NEDD8: variants seen among roughly 807,000 people sequenced by gnomAD.
NEDD8 encodes NEDD8 ubiquitin like modifier.
Under a neutral mutation model 13.8 loss-of-function variants are expected in NEDD8, and 1 was observed. That is an observed-to-expected ratio of 0.07 (90% confidence interval 0.03 to 0.34). NEDD8 has a LOEUF of 0.34. Among genes scored for constraint, NEDD8 ranks in the 10% least tolerant of loss-of-function variants. The probability of loss-of-function intolerance (pLI) is 0.99; values close to 1 mark genes in which losing one functional copy is unlikely to be tolerated. For synonymous variants in NEDD8, 31 were observed against 33.2 expected (o/e 0.93, Z 0.23); for missense variants, 10 against 95.2 (o/e 0.10, Z 3.73).
At chr14:24,220,904 CAT>C (rs1432364830) in intron 1 of NEDD8, among the ~76,000 whole-genome samples, 1 of 152,182 alleles carries the variant, frequency 6.6e-6, no homozygotes, top group East Asian at 1.9e-4. Context: ...CACAAAATAA[CAT>C]ATGGTTTCTC....
At chr14:24,223,875 C>T (rs1320195566) in intron 1 of NEDD8, among the ~76,000 whole-genome samples, 1 of 151,998 alleles carries the variant, frequency 6.6e-6, no homozygotes, top group Non-Finnish European at 1.5e-5. Context: ...GCTGGGGTTA[C>T]AGCCGCGTGT....
chr14:24,232,035 G>C (rs554605530), intron 1 of NEDD8: 1 of 658,188 alleles, frequency 1.5e-6, no homozygotes, highest in Non-Finnish European at 2.5e-6. Context: ...AAGCAGGCAT[G>C]GCAAAATACC....
Position 24,219,719 on chromosome 14 carries a change from T to A in NEDD8, c.19-1288A>T, listed in dbSNP as rs1015658413. Among the ~76,000 whole-genome samples the A allele has an allele frequency of 5.3e-4, 80 of 152,152 alleles. 1 individual carries two copies. The highest frequency in any genetic ancestry group is 2.8e-4 in the Non-Finnish European group (19 of 68,038). On this transcript the variant is annotated intron_variant, in intron 1 of 3. Transcript: ENST00000250495. ...CTCTTAATAGCTCTATCTGTATTAG[T>A]CTACAGTGATCCAGGCCACAAACAC... is the stretch of plus-strand genomic sequence containing the variant.
At chr14:24,222,402 G>T (rs1337141793) in intron 1 of NEDD8, among the ~76,000 whole-genome samples, 2 of 152,176 alleles carry the variant, frequency 1.3e-5, no homozygotes, top group Non-Finnish European at 2.9e-5. Context: ...AAAAAGCTTG[G>T]AAGGGTATAT....
intron 3 of NEDD8, 81 bp from the exon 4 acceptor site, chr14:24,217,304 GTTT>G: frequency 3.0e-6 from 3 of 1,002,882 alleles, no homozygotes; most frequent in East Asian, 2.9e-5. Flanking sequence ...TGTTGTTGTT[GTTT>G]TTGACAGAGT....
intron 1 of NEDD8, 197 bp from the exon 2 acceptor site, chr14:24,218,628 T>C (rs1306317603): frequency 2.9e-6 from 2 of 692,926 alleles, no homozygotes; most frequent in Admixed American, 2.7e-5. Context: ...ACAACTTTGA[T>C]AGGGCAAGAT....
rs1181616079 is a variant in NEDD8 at position 24,230,534 on chromosome 14, C to CAAA, written c.18+1713_18+1715dup. ...TGGGCGACAGAGCGAGACTCTGTCT[C>CAAA]AAAAAAAAAAAAAAAAAAAATCATA... On this transcript the variant is annotated intron_variant, in intron 1 of 3. Transcript: ENST00000250495. Among the ~76,000 whole-genome samples the CAAA allele has an allele frequency of 8.5e-3, 550 of 64,944 alleles. 22 individuals are homozygous for CAAA. Among genetic ancestry groups the CAAA allele is most frequent in the Middle Eastern group, 0.019 (1 of 54 alleles). 42.6% of individuals were successfully genotyped at this position (64,944 alleles called of 152,430 possible).
At chr14:24,229,764 G>A (rs1435443263) in intron 1 of NEDD8, among the ~76,000 whole-genome samples, 2 of 152,136 alleles carry the variant, frequency 1.3e-5, no homozygotes, top group African/African-American at 4.8e-5. Flanking sequence ...GAACCCATAT[G>A]CATTGAAAAG....
chr14:24,223,891 C>A (rs751882881), intron 1 of NEDD8, among the ~76,000 whole-genome samples: 2 of 151,854 alleles, frequency 1.3e-5, no homozygotes, highest in African/African-American at 4.8e-5. Context: ...CGTGTCACTA[C>A]GCCTGGCTAA....
intron 1 of NEDD8, chr14:24,227,681 G>A (rs1210137223): frequency 6.6e-6 from 1 of 152,226 alleles, no homozygotes; most frequent in Admixed American, 6.5e-5. Flanking sequence ...GACAGAAGAT[G>A]ATGCATTTAA....
intron 3 of NEDD8, 150 bp from the exon 4 acceptor site, chr14:24,217,373 T>A (rs1293344676): frequency 1.4e-5 from 9 of 636,426 alleles, no homozygotes; most frequent in Non-Finnish European, 2.5e-5. Flanking sequence ...CACTGCAACT[T>A]CCACCTCCTG....
chr14:24,220,282 A>G (rs1216896724), intron 1 of NEDD8, among the ~76,000 whole-genome samples: 2 of 152,234 alleles, frequency 1.3e-5, no homozygotes, highest in African/African-American at 4.8e-5. Flanking sequence ...ACTGATGATC[A>G]TATTATAATC....
chr14:24,223,085 C>CAAAAAA (rs71426836), intron 1 of NEDD8, among the ~76,000 whole-genome samples: 1 of 75,608 alleles, frequency 1.3e-5, no homozygotes, highest in Admixed American at 1.8e-4. Flanking sequence ...GACTGCATTT[C>CAAAAAA]AAAAAAAAAA....
intron 1 of NEDD8, among the ~76,000 whole-genome samples, chr14:24,224,821 T>C (rs993339254): frequency 6.6e-6 from 1 of 152,122 alleles, no homozygotes; most frequent in African/African-American, 2.4e-5. Flanking sequence ...TAGATCTAAT[T>C]ACCAGCTGAC....
chr14:24,217,286 G>A (rs112309690), intron 3 of NEDD8, 63 bp from the exon 4 acceptor site: 1 of 1,285,754 alleles, frequency 7.8e-7, no homozygotes, highest in East Asian at 2.5e-5. Flanking sequence ...TGTTGTTGTT[G>A]TTGTTGTTGT....
At chr14:24,218,580 G>A in intron 1 of NEDD8, 149 bp from the exon 2 acceptor site, 1 of 1,043,436 alleles carries the variant, frequency 9.6e-7, no homozygotes, top group Non-Finnish European at 1.4e-6. Context: ...AGAAGGCTTT[G>A]AACATACCTT....
chr14:24,230,303 G>C (rs1265403685), intron 1 of NEDD8, among the ~76,000 whole-genome samples: 3 of 146,638 alleles, frequency 2.0e-5, no homozygotes, highest in Non-Finnish European at 4.5e-5. Flanking sequence ...GGGAGGCAGA[G>C]GCGGGCGGAT....
intron 1 of NEDD8, 134 bp downstream of exon 1, chr14:24,232,116 C>T: frequency 7.0e-7 from 1 of 1,434,490 alleles, no homozygotes; most frequent in Non-Finnish European, 9.5e-7. Flanking sequence ...CCCACCACCC[C>T]TCGCGCGGAG....
intron 1 of NEDD8, among the ~76,000 whole-genome samples, chr14:24,221,234 AAGACAAAATAAAAAGTTTGTAAT>A: frequency 6.6e-6 from 1 of 152,220 alleles, no homozygotes; most frequent in Non-Finnish European, 1.5e-5. Context: ...TAACTTTAAA[AAGACAAAATAAAAAGTTTGTAAT>A]TCTGTGTTGT....
Sources: allele counts gnomAD v4.1 joint callset (sites outside exome capture counted in the v4.1 genomes callset), GRCh38; gene constraint gnomAD v4.1.1; transcripts MANE v1.5; gene names NCBI Gene and HGNC (gene_info 2026-07-23, HGNC 2026-07-21).